SIPA1L3: variants seen among roughly 807,000 people sequenced by gnomAD.
SIPA1L3 encodes signal-induced proliferation-associated 1-like protein 3.
Under a neutral mutation model 150.1 loss-of-function variants are expected in SIPA1L3, and 59 were observed. The ratio of observed to expected loss-of-function variants is 0.39; its 90% confidence interval spans 0.32 to 0.49. The LOEUF is 0.49. Among genes scored for constraint, SIPA1L3 ranks in the 20% least tolerant of loss-of-function variants. The pLI is 0.86. For missense variants in SIPA1L3, 2,211 were observed against 2,489.5 expected, an observed-to-expected ratio of 0.89 and a Z score of 2.38; for synonymous variants, 1,070 against 1,077.6, an observed-to-expected ratio of 0.99 and a Z score of 0.14.
chr19:37,993,650 C>T (rs1967566866), intron 1 of SIPA1L3, among the ~76,000 whole-genome samples: 1 of 152,176 alleles, frequency 6.6e-6, no homozygotes, highest in Admixed American at 6.5e-5. Flanking sequence ...GAGAGCTCCT[C>T]CTCTGGAGGG....
chr19:37,915,834 C>T (rs542931436), intron 1 of SIPA1L3, among the ~76,000 whole-genome samples: 12 of 152,142 alleles, frequency 7.9e-5, no homozygotes, highest in South Asian at 2.1e-4. Context: ...GTAGCGTGGG[C>T]GTATTTTGAA....
intron 1 of SIPA1L3, among the ~76,000 whole-genome samples, chr19:37,940,942 T>C (rs2046649003): frequency 6.6e-6 from 1 of 152,180 alleles, no homozygotes; most frequent in Non-Finnish European, 1.5e-5. Context: ...TCATTTGTCC[T>C]GTATATGATC....
chr19:37,999,422 C>T (rs1319579917), intron 1 of SIPA1L3, among the ~76,000 whole-genome samples: 8 of 152,244 alleles, frequency 5.3e-5, no homozygotes, highest in Admixed American at 3.3e-4. Context: ...CTCCTGGACG[C>T]ACATGAGCAG....
intron 8 of SIPA1L3, among the ~76,000 whole-genome samples, chr19:38,111,949 A>G (rs574890226): frequency 8.7e-4 from 132 of 150,868 alleles, no homozygotes; most frequent in East Asian, 4.7e-3. Context: ...ATGCACACAC[A>G]TACATGCACA....
chr19:38,010,847 G>A (rs999411556), intron 1 of SIPA1L3, among the ~76,000 whole-genome samples: 9 of 152,234 alleles, frequency 5.9e-5, no homozygotes, highest in Admixed American at 5.9e-4. Flanking sequence ...TGTAATATAG[G>A]GGTAATAATA....
chr19:38,049,414 T>C (rs992413288), intron 2 of SIPA1L3, among the ~76,000 whole-genome samples: 2 of 152,224 alleles, frequency 1.3e-5, no homozygotes, highest in African/African-American at 4.8e-5. Flanking sequence ...GCCACGTTGC[T>C]GGATGTGTGT....
In SIPA1L3 at chr19:38,207,952, A is replaced by T. The variant is rs1026906511; in HGVS notation, c.*1712A>T. ...TCCTCAGCCCTGGCCAGCTACTGTG[A>T]TGCCATCTTCTCCCCCATCCCCTTC... On this transcript the variant is annotated 3_prime_UTR_variant, in exon 22 of 22. Transcript: ENST00000222345. 9.3e-5 allele frequency: 14 copies of T among 150,690 alleles called. No homozygotes were observed. The East Asian group carries it at 2.8e-3, about 30-fold the overall frequency. The allele number at this position is 150,690 out of a possible 1,614,324, so 9.3% of individuals were successfully genotyped here. A position where few individuals can be genotyped will look rare whatever the true frequency, so the allele number is the denominator to read the frequency against.
chr19:38,082,250 C>T lies in SIPA1L3; in HGVS notation c.685C>T (p.Gln229Ter). The T allele has an allele frequency of 1.2e-6, 2 of 1,600,976 alleles. No individual in the cohort carries two copies. Among genetic ancestry groups the T allele is most frequent in the Non-Finnish European group, 8.5e-7 (1 of 1,179,748 alleles). Residue 229 changes from glutamine (Q) to a stop codon, truncating the protein, a stop_gained, in exon 3 of 22, where the codon CAG becomes TAG. Coordinates refer to ENST00000222345, the MANE Select transcript of SIPA1L3 (RefSeq NM_015073.3). LOFTEE classifies it high-confidence loss of function. ...CATCCTGAACGAGTTCCGCAGCGAG[C>T]AGCCCGACGCCCGAGGGTGCCAGGC... ...FDILNEFRSE[Q>*]PDARGCQALT...
intron 1 of SIPA1L3, among the ~76,000 whole-genome samples, chr19:38,012,152 T>A (rs1160133926): frequency 6.6e-6 from 1 of 151,442 alleles, no homozygotes; most frequent in African/African-American, 2.4e-5. Flanking sequence ...AGTGATGTGA[T>A]CTCGGCTTGC....
intron 1 of SIPA1L3, among the ~76,000 whole-genome samples, chr19:37,973,130 G>A (rs547971529): frequency 6.6e-6 from 1 of 152,016 alleles, no homozygotes; most frequent in Non-Finnish European, 1.5e-5. Context: ...TACACACTGT[G>A]CAGCCACTTT....
chr19:38,020,851 A>G (rs1443238047), intron 1 of SIPA1L3, among the ~76,000 whole-genome samples: 2 of 151,810 alleles, frequency 1.3e-5, no homozygotes, highest in African/African-American at 4.8e-5. Context: ...TCTGTCGCCC[A>G]GGCTGGAGTG....
intron 1 of SIPA1L3, among the ~76,000 whole-genome samples, chr19:38,006,235 G>A (rs1370669233): frequency 6.6e-6 from 1 of 152,106 alleles, no homozygotes; most frequent in Non-Finnish European, 1.5e-5. Flanking sequence ...AAGAGCCTGA[G>A]GTGGGGTAGA....
At chr19:37,965,319 T>TG (rs1238573140) in intron 1 of SIPA1L3, among the ~76,000 whole-genome samples, 4 of 148,494 alleles carry the variant, frequency 2.7e-5, no homozygotes, top group Non-Finnish European at 6.0e-5. Context: ...TATTTCTAGT[T>TG]TTTTTTTTTT....
At position 37,919,599 on chromosome 19, in the gene SIPA1L3, C is replaced by G. The variant is rs994518961; in HGVS notation, c.-379+12241C>G. Among the ~76,000 whole-genome samples the G allele has an allele frequency of 4.6e-5, 7 of 151,668 alleles. No individual in the cohort carries two copies. In the South Asian group the frequency reaches 1.5e-3, roughly 32 times the overall value. ...CAGACAGACGAACAGATGGGGCAGA[C>G]AAGCAGGACCATTCTCACTTGTTCC... On this transcript the variant is annotated intron_variant, in intron 1 of 21. Coordinates refer to ENST00000222345, the MANE Select transcript of SIPA1L3 (RefSeq NM_015073.3).
intron 9 of SIPA1L3, among the ~76,000 whole-genome samples, chr19:38,126,273 G>A (rs556849365): frequency 6.6e-6 from 1 of 152,220 alleles, no homozygotes; most frequent in South Asian, 2.1e-4. Context: ...GATGCCAGGA[G>A]AACCTATCAG....
At chr19:37,927,559 T>TAC (rs1381320470) in intron 1 of SIPA1L3, among the ~76,000 whole-genome samples, 7 of 145,684 alleles carry the variant, frequency 4.8e-5, no homozygotes, top group African/African-American at 1.3e-4. Flanking sequence ...TGTGTGTGTG[T>TAC]GTACGTACCC....
At chr19:38,136,460 C>T (rs941858916) in intron 10 of SIPA1L3, among the ~76,000 whole-genome samples, 7 of 151,838 alleles carry the variant, frequency 4.6e-5, no homozygotes, top group African/African-American at 1.7e-4. Context: ...AAAATGTAGC[C>T]GGGCATGGTG....
intron 15 of SIPA1L3, among the ~76,000 whole-genome samples, chr19:38,170,402 C>CG (rs1972301851): frequency 6.6e-6 from 1 of 152,210 alleles, no homozygotes; most frequent in Non-Finnish European, 1.5e-5. Flanking sequence ...CCAGCAGCCC[C>CG]CCTCATGTGC....
At chr19:38,067,845 G>T (rs1599994528) in intron 2 of SIPA1L3, among the ~76,000 whole-genome samples, 3 of 152,160 alleles carry the variant, frequency 2.0e-5, no homozygotes, top group African/African-American at 7.2e-5. Flanking sequence ...CACAGCCGTG[G>T]CTGAGACTCC....
Sources: allele counts gnomAD v4.1 joint callset (sites outside exome capture counted in the v4.1 genomes callset), GRCh38; gene constraint gnomAD v4.1.1; transcripts MANE v1.5; gene names NCBI Gene and HGNC (gene_info 2026-07-23, HGNC 2026-07-21).